PCDHGA9: variants seen among roughly 807,000 people sequenced by gnomAD.
PCDHGA9 encodes protocadherin gamma-A9.
In PCDHGA9, 37 loss-of-function variants were observed where a neutral mutation model predicts 62.5. The ratio of observed to expected loss-of-function variants is 0.59; its 90% CI spans 0.46 to 0.78. The LOEUF (loss-of-function observed/expected upper bound fraction) is 0.78. Ranked by LOEUF, PCDHGA9 falls within the 30% of genes least tolerant of loss-of-function variation. The pLI, the probability that PCDHGA9 is intolerant of heterozygous loss-of-function variation, is 0.00. For missense variants in PCDHGA9, 1,138 were observed against 1,166.2 expected, an observed-to-expected ratio of 0.98 and a Z score of 0.35; for synonymous variants, 459 against 484.6, an observed-to-expected ratio of 0.95 and a Z score of 0.69.
intron 2 of PCDHGA9, among the ~76,000 whole-genome samples, chr5:141,504,141 T>C (rs1289360763): frequency 6.6e-6 from 1 of 152,192 alleles, no homozygotes; most frequent in East Asian, 1.9e-4. Flanking sequence ...AACACTCCCC[T>C]GCAAATTGAA....
intron 1 of PCDHGA9, chr5:141,492,033 C>A: frequency 1.8e-6 from 1 of 548,342 alleles, no homozygotes; most frequent in Non-Finnish European, 3.1e-6. Flanking sequence ...CGGGAGGAGG[C>A]AGTCACAGAT....
Position 141,489,111 on chromosome 5 carries a change from C to T in PCDHGA9, c.2425-5696C>T. The T allele has an allele frequency of 1.9e-6, 1 of 518,040 alleles. No individual in the cohort carries two copies. Among genetic ancestry groups the T allele is most frequent in the African/African-American group, 1.9e-5 (1 of 51,336 alleles). The allele number at this position is 518,040 out of a possible 1,614,324, so 32.1% of individuals were successfully genotyped here. ...GTGACTAAGAACTGCTGCAAGCAGG[C>T]AAACCTCCGAGCAGTTTTTAAGAGG... On this transcript the variant is annotated intron_variant, in intron 1 of 3. Transcript: ENST00000573521. This position sits in a 1 kb window ranked among gnomAD's most constrained non-coding sequence, Gnocchi z 4.5.
In PCDHGA9 at chr5:141,402,869, C is replaced by G. The variant is rs1051518401; in HGVS notation, c.-84C>G. ...CCTCTTTCTTCTAAGGAAAAGATCA[C>G]CATACTTTGCAGGGTGGAAGAAAGA... On this transcript the variant is annotated 5_prime_UTR_variant, in exon 1 of 4. Transcript: ENST00000573521. 97 of 1,448,564 alleles carry G rather than the reference C, an allele frequency of 6.7e-5. No homozygotes were observed. Among genetic ancestry groups the G allele is most frequent in the Admixed American group, 6.1e-4 (22 of 36,038 alleles). The allele number at this position is 1,448,564 out of a possible 1,614,324, so 89.7% of individuals were successfully genotyped here. A position where few individuals can be genotyped will look rare whatever the true frequency, so the allele number is the denominator to read the frequency against.
chr5:141,499,012 G>GGAAGGAAT, intron 2 of PCDHGA9, among the ~76,000 whole-genome samples: 1 of 147,618 alleles, frequency 6.8e-6, no homozygotes. Context: ...AAGGAAGGAA[G>GGAAGGAAT]GAAGGAAGGA....
At chr5:141,445,134 A>T (rs900226020) in intron 1 of PCDHGA9, among the ~76,000 whole-genome samples, 1 of 152,198 alleles carries the variant, frequency 6.6e-6, no homozygotes, top group East Asian at 1.9e-4. Context: ...TTAAAATTGT[A>T]TCTTCTAATT....
At chr5:141,419,137 C>T (rs764281503) in intron 1 of PCDHGA9, 1 of 1,613,892 alleles carries the variant, frequency 6.2e-7, no homozygotes, top group Non-Finnish European at 8.5e-7. Flanking sequence ...CAGCCACAGA[C>T]AGGGGCAAGC....
intron 2 of PCDHGA9, among the ~76,000 whole-genome samples, chr5:141,499,884 C>T (rs917762715): frequency 2.0e-5 from 3 of 152,014 alleles, no homozygotes; most frequent in Admixed American, 6.5e-5. Flanking sequence ...AACAGGGTTT[C>T]GCCATGTTGG....
chr5:141,408,873 CCACCG>C (rs776180805), intron 1 of PCDHGA9: 50 of 1,613,104 alleles, frequency 3.1e-5, no homozygotes, highest in Non-Finnish European at 4.1e-5. Context: ...CCAAGAAGTG[CCACCG>C]CTCACATAGA....
chr5:141,463,266 T>G (rs933899476), intron 1 of PCDHGA9, among the ~76,000 whole-genome samples: 16 of 151,982 alleles, frequency 1.1e-4, no homozygotes, highest in African/African-American at 3.6e-4. Context: ...CTCTATCCCA[T>G]AAATTCTGGC....
rs769641310 is a variant in PCDHGA9, at chr5:141,477,421, T to G, written c.2425-17386T>G. 1.7e-5 allele frequency: 28 copies of G among 1,614,172 alleles called. No individual in the cohort carries two copies. Among genetic ancestry groups the G allele is most frequent in the Non-Finnish European group, 2.3e-5 (27 of 1,180,028 alleles). On this transcript the variant is annotated intron_variant, in intron 1 of 3. Coordinates refer to ENST00000573521, the MANE Select transcript of PCDHGA9 (RefSeq NM_018921.3). The surrounding 1 kb of genome is among the most constrained non-coding windows in gnomAD (Gnocchi z 4.9). ...TCACCGCCCGAGACGCCGGAACCCC[T>G]TCCCTCTCAGCCCTTACAATAGTGC...
rs1203111813 is a variant in PCDHGA9, at chr5:141,405,333, CTGTT to C, written c.2382_2385del (p.Val795IlefsTer6). On this transcript the variant is annotated frameshift_variant, in exon 1 of 4. Coordinates refer to ENST00000573521, the MANE Select transcript of PCDHGA9 (RefSeq NM_018921.3). LOFTEE classifies it high-confidence loss of function. The stretch of plus-strand genomic sequence containing the variant: ...GAGAAAAATGAGCCTTTGTGCGTCT[CTGTT>C]GATTCCAAGTTTCCTATAGAAGACA... 1.1e-5 allele frequency: 18 copies of C among 1,614,204 alleles called. No individual in the cohort carries two copies. The highest frequency in any genetic ancestry group is 1.4e-5 in the Non-Finnish European group (17 of 1,180,026).
At chr5:141,419,668 G>A (rs752237614) in intron 1 of PCDHGA9, 1 of 1,612,892 alleles carries the variant, frequency 6.2e-7, no homozygotes, top group East Asian at 2.2e-5. Context: ...ACAATGCCTG[G>A]CTGTCCTACC....
intron 1 of PCDHGA9, among the ~76,000 whole-genome samples, chr5:141,434,021 C>A (rs1023145172): frequency 2.0e-5 from 3 of 152,052 alleles, no homozygotes; most frequent in Admixed American, 2.0e-4. Context: ...TTCTATGATT[C>A]TGGAAGCATG....
Position 141,402,972 on chromosome 5 carries a change from G to C in PCDHGA9, c.20G>C (p.Cys7Ser). The C allele has an allele frequency of 6.2e-7, 1 of 1,608,318 alleles. No homozygotes were observed. Among genetic ancestry groups the C allele is most frequent in the Non-Finnish European group, 8.5e-7 (1 of 1,176,862 alleles). ...GCAGCAATGGCAGCTCCAACCAAAT[G>C]CCAGCTCCGCGGAAGATTAGTCCTG... MAAPTK[C>S]QLRGRLVLLC... Residue 7 changes from cysteine (C) to serine (S), a missense_variant, in exon 1 of 4, where the codon TGC (cysteine) becomes TCC (serine). Cys to Ser is a moderately radical substitution (Grantham distance 112). Coordinates refer to ENST00000573521, the MANE Select transcript of PCDHGA9 (RefSeq NM_018921.3).
intron 1 of PCDHGA9, among the ~76,000 whole-genome samples, chr5:141,445,668 G>C (rs899062385): frequency 6.6e-6 from 1 of 152,156 alleles, no homozygotes; most frequent in Non-Finnish European, 1.5e-5. Flanking sequence ...ATGAGTAGAA[G>C]TTATCTAGGT....
At chr5:141,474,156 A>T (rs1387216017) in intron 1 of PCDHGA9, among the ~76,000 whole-genome samples, 1 of 152,244 alleles carries the variant, frequency 6.6e-6, no homozygotes, top group Non-Finnish European at 1.5e-5. Context: ...CAAGAAAATG[A>T]CAGGCCTTAT....
intron 1 of PCDHGA9, among the ~76,000 whole-genome samples, chr5:141,434,285 T>G (rs1358981946): frequency 6.6e-6 from 1 of 152,232 alleles, no homozygotes; most frequent in Non-Finnish European, 1.5e-5. Context: ...GTATTCTCTG[T>G]TTTTCCTGTA....
At chr5:141,502,767 C>T (rs970206343) in intron 2 of PCDHGA9, among the ~76,000 whole-genome samples, 1 of 151,756 alleles carries the variant, frequency 6.6e-6, no homozygotes, top group East Asian at 1.9e-4. Flanking sequence ...TGCTGGTATT[C>T]TTCTGAAAAT....
At position 141,491,369 on chromosome 5, in the gene PCDHGA9, CCTTT is replaced by C; in HGVS notation, c.2425-3435_2425-3432del. ...AGTCTCTTATCCCTAGTCACCTTCACCTTTCTGTCAGCGAAGTGCCTTCAGGGAA... is the reference window on the plus strand; with the variant it reads ...AGTCTCTTATCCCTAGTCACCTTCACCTGTCAGCGAAGTGCCTTCAGGGAA... On this transcript the variant is annotated intron_variant, in intron 1 of 3. Transcript: ENST00000573521. The surrounding 1 kb of genome is among the most constrained non-coding windows in gnomAD (Gnocchi z 6.9). 1 of 1,614,110 alleles carries C rather than the reference CCTTT, an allele frequency of 6.2e-7. No individual in the cohort carries two copies. Among genetic ancestry groups the C allele is most frequent in the Non-Finnish European group, 8.5e-7 (1 of 1,179,996 alleles).
Sources: gnomAD v4.1 joint callset for allele counts (sites outside exome capture counted in the v4.1 genomes callset) on GRCh38, gnomAD v4.1.1 for gene constraint, Gnocchi (gnomAD v3.1) non-coding constraint, MANE v1.5 for transcripts, NCBI Gene and HGNC (gene_info 2026-07-23, HGNC 2026-07-21) for gene names.